Variants in RBFOX1 observed in about 807,000 individuals in gnomAD.
RBFOX1 encodes RNA binding fox-1 homolog 1, also known as RNA binding protein fox-1 homolog 1.
A neutral mutation model predicts 57.7 loss-of-function variants in RBFOX1; 8 were observed. That is an observed-to-expected ratio of 0.14 (90% CI 0.08 to 0.25). RBFOX1 has a LOEUF of 0.25. RBFOX1 is among the 10% of genes least tolerant of loss of function. RBFOX1 has a pLI of 1.00. For synonymous variants in RBFOX1, 326 were observed against 222.4 expected (o/e 1.47, Z -4.15); for missense variants, 611 against 548.5 (o/e 1.11, Z -1.14).
At chr16:6,845,014 C>A (rs1289400864) in intron 3 of RBFOX1, among the ~76,000 whole-genome samples, 1 of 152,094 alleles carries the variant, frequency 6.6e-6, no homozygotes, top group Non-Finnish European at 1.5e-5. Context: ...GTCCTTTGCC[C>A]ACTTTTTCAT....
intron 1 of RBFOX1, among the ~76,000 whole-genome samples, chr16:5,400,029 A>G (rs2066669160): frequency 6.6e-6 from 1 of 151,886 alleles, no homozygotes; most frequent in Admixed American, 6.6e-5. Context: ...CCAGGTACTC[A>G]TCACCTGGAG....
chr16:6,103,207 C>T (rs2096336012), intron 1 of RBFOX1, among the ~76,000 whole-genome samples: 2 of 152,244 alleles, frequency 1.3e-5, no homozygotes, highest in East Asian at 3.9e-4. Flanking sequence ...GAAGAGGAGG[C>T]TTGGGGTCTG....
At chr16:6,035,512 G>C (rs1327020919) in intron 1 of RBFOX1, among the ~76,000 whole-genome samples, 3 of 149,880 alleles carry the variant, frequency 2.0e-5, no homozygotes, top group Non-Finnish European at 3.0e-5. Context: ...TGGTAAAGTA[G>C]ACTTATAAAA....
intron 3 of RBFOX1, among the ~76,000 whole-genome samples, chr16:5,717,919 A>G (rs1231693988): frequency 3.9e-5 from 6 of 152,198 alleles, no homozygotes; most frequent in African/African-American, 1.4e-4. Flanking sequence ...TGAGGTACAG[A>G]TATCTCTTTC....
chr16:6,788,510 C>T (rs1238833309), intron 3 of RBFOX1, among the ~76,000 whole-genome samples: 1 of 151,688 alleles, frequency 6.6e-6, no homozygotes, highest in Non-Finnish European at 1.5e-5. Flanking sequence ...GTCTCTTGCT[C>T]TGTCGCCCAC....
intron 4 of RBFOX1, among the ~76,000 whole-genome samples, chr16:7,287,126 A>C (rs754126556): frequency 9.2e-5 from 14 of 152,224 alleles, no homozygotes; most frequent in Admixed American, 9.2e-4. Flanking sequence ...GGTGAAGCCA[A>C]TGGAGTTAGC....
At chr16:7,611,327 T>G (rs2141466746) in intron 10 of RBFOX1, among the ~76,000 whole-genome samples, 1 of 152,332 alleles carries the variant, frequency 6.6e-6, no homozygotes, top group African/African-American at 2.4e-5. Flanking sequence ...GGCTCACGCC[T>G]TTAATCCCAG....
At chr16:6,568,817 G>A (rs2097303778) in intron 2 of RBFOX1, among the ~76,000 whole-genome samples, 1 of 152,078 alleles carries the variant, frequency 6.6e-6, no homozygotes, top group Admixed American at 6.6e-5. Flanking sequence ...CACCCAGGCT[G>A]GAGTGCAGTG....
At chr16:7,654,162 A>G (rs983113114) in intron 12 of RBFOX1, among the ~76,000 whole-genome samples, 1 of 152,114 alleles carries the variant, frequency 6.6e-6, no homozygotes, top group Admixed American at 6.5e-5. Context: ...TGGTGCCTTT[A>G]AGCATTCTAC....
chr16:5,936,881 C>G (rs531303159), intron 4 of RBFOX1, among the ~76,000 whole-genome samples: 2 of 152,266 alleles, frequency 1.3e-5, no homozygotes, highest in African/African-American at 4.8e-5. Context: ...TCACAGAGGG[C>G]TTTGGGACTG....
At chr16:7,699,023 G>C (rs1247395821) in intron 14 of RBFOX1, among the ~76,000 whole-genome samples, 2 of 152,126 alleles carry the variant, frequency 1.3e-5, no homozygotes, top group Non-Finnish European at 2.9e-5. Flanking sequence ...AAGTCACCTG[G>C]AGAACTTGTT....
chr16:6,087,261 A>G (rs1185880844), intron 1 of RBFOX1, among the ~76,000 whole-genome samples: 3 of 152,234 alleles, frequency 2.0e-5, no homozygotes, highest in Non-Finnish European at 2.9e-5. Flanking sequence ...CCTTAGGCAG[A>G]AATTGAAACA....
chr16:5,365,792 C>T (rs1182701041), intron 1 of RBFOX1: 1 of 510,744 alleles, frequency 2.0e-6, no homozygotes, highest in Admixed American at 2.0e-5. Flanking sequence ...CATGCTGCCA[C>T]CCAATGGAAG....
chr16:6,100,857 A>T (rs993301754), intron 1 of RBFOX1, among the ~76,000 whole-genome samples: 1 of 152,136 alleles, frequency 6.6e-6, no homozygotes, highest in African/African-American at 2.4e-5. Context: ...CTCTTATAGG[A>T]ATGTTCCTTA....
intron 3 of RBFOX1, among the ~76,000 whole-genome samples, chr16:5,663,831 C>G (rs1373682637): frequency 5.9e-5 from 9 of 152,336 alleles, no homozygotes; most frequent in African/African-American, 1.9e-4. Flanking sequence ...ATTCAAAAGG[C>G]AGCTGTGCAT....
At chr16:5,762,772 T>C (rs149592068) in intron 3 of RBFOX1, among the ~76,000 whole-genome samples, 7 of 152,338 alleles carry the variant, frequency 4.6e-5, no homozygotes, top group Non-Finnish European at 7.3e-5. Context: ...TAAACACGTT[T>C]GGATAATTCT....
At chr16:6,757,991 G>A (rs993037935) in intron 3 of RBFOX1, among the ~76,000 whole-genome samples, 1 of 151,992 alleles carries the variant, frequency 6.6e-6, no homozygotes, top group Non-Finnish European at 1.5e-5. Context: ...TTTTTAATGC[G>A]GCAGACCCTG....
intron 2 of RBFOX1, among the ~76,000 whole-genome samples, chr16:5,521,348 C>T (rs568653585): frequency 3.4e-5 from 3 of 87,548 alleles, no homozygotes; most frequent in African/African-American, 9.4e-5. Context: ...GCAGCTTTTG[C>T]TGTTGGGGGT....
rs191731207 is a variant in RBFOX1, at chr16:5,676,019, G to A, written c.318+77058G>A. 3.7e-4 allele frequency among the ~76,000 whole-genome samples: 57 copies of A among 152,296 alleles called. No individual in the cohort carries two copies. The East Asian group carries it at 9.7e-3, about 26-fold the overall frequency. On this transcript the variant is annotated intron_variant, in intron 3 of 19. Transcript: ENST00000641259. ...AGGCATCGCATGTTCTCAGTCATAA[G>A]TGGAAGTTGAATAATGAGAACACAT...
Sources: allele counts gnomAD v4.1 joint callset (sites outside exome capture counted in the v4.1 genomes callset), GRCh38; gene constraint gnomAD v4.1.1; transcripts MANE v1.5; gene names NCBI Gene and HGNC (gene_info 2026-07-23, HGNC 2026-07-21).